The following LRRC34 variants were observed in gnomAD, a reference collection of about 807,000 sequenced individuals.
The protein encoded by LRRC34 is leucine rich repeat containing 34, also known as leucine-rich repeat-containing protein 34.
LRRC34 carries 44 observed loss-of-function variants against 48.5 expected under a neutral mutation model. That is an observed-to-expected ratio of 0.91 (90% CI 0.71 to 1.17). The LOEUF is 1.17. Ranked by LOEUF, LRRC34 falls within the 50% of genes most tolerant of loss-of-function variation. LRRC34 has a pLI of 0.00. For missense variants in LRRC34, 502 were observed against 563.0 expected, an observed-to-expected ratio of 0.89 and a Z score of 1.10; for synonymous variants, 192 against 197.6, an observed-to-expected ratio of 0.97 and a Z score of 0.24.
intron 9 of LRRC34, chr3:169,795,899 T>G: frequency 8.6e-7 from 1 of 1,162,366 alleles, no homozygotes; most frequent in South Asian, 3.3e-5. Context: ...TATTTTATTC[T>G]TTAGTTCATT....
chr3:169,807,128 T>C (rs914731514), intron 4 of LRRC34, among the ~76,000 whole-genome samples, 197 bp from the exon 5 acceptor site: 1 of 152,224 alleles, frequency 6.6e-6, no homozygotes, highest in African/African-American at 2.4e-5. Context: ...TCTCATGTAA[T>C]CAAAATATAA....
Position 169,812,396 on chromosome 3 carries a change from TC to T in LRRC34, c.139+13del. 1 of 1,524,682 alleles carries T rather than the reference TC, an allele frequency of 6.6e-7. No homozygotes were observed. The highest frequency in any genetic ancestry group is 8.7e-7 in the Non-Finnish European group (1 of 1,142,886). The allele number at this position is 1,524,682 out of a possible 1,614,324, so 94.4% of individuals were successfully genotyped here. ...TCTGGGCCAGGCCGCGCAGACGTGCTCCCTACTTCTTACCGCGCTGGACCGC... is the reference window on the plus strand; with the variant it reads ...TCTGGGCCAGGCCGCGCAGACGTGCTCCTACTTCTTACCGCGCTGGACCGC... On this transcript the variant is annotated intron_variant, in intron 1 of 10. Coordinates refer to ENST00000446859, the MANE Select transcript of LRRC34 (RefSeq NM_001172779.2). The surrounding 1 kb of genome is among the most constrained non-coding windows in gnomAD (Gnocchi z 4.3).
chr3:169,808,711 A>G lies in LRRC34; in HGVS notation c.174T>C (p.Ser58=). The G allele has an allele frequency of 1.3e-6, 2 of 1,594,320 alleles. No individual in the cohort carries two copies. The highest frequency in any genetic ancestry group is 1.3e-5 in the African/African-American group (1 of 74,450). ...TCTGGGATTTTTCCATACACAGATTAGAATAATGTTTCTGGAGACCAGATT... is the reference window on the plus strand; with the variant it reads ...TCTGGGATTTTTCCATACACAGATTGGAATAATGTTTCTGGAGACCAGATT... ...SPESGLQKHY[S]NLCMEKSQKI... is the part of the protein sequence containing the mutation. Residue 58 remains serine (S), a synonymous_variant, in exon 2 of 11, where the codon TCT becomes TCC. Coordinates refer to ENST00000446859, the MANE Select transcript of LRRC34 (RefSeq NM_001172779.2).
Position 169,812,330 on chromosome 3 carries a change from G to T in LRRC34, c.139+80C>A. The T allele has an allele frequency of 6.9e-7, 1 of 1,439,944 alleles. No homozygotes were observed. The highest frequency in any genetic ancestry group is 9.1e-7 in the Non-Finnish European group (1 of 1,099,896). 89.2% of individuals were successfully genotyped at this position (1,439,944 alleles called of 1,614,324 possible). ...GCCTTGGGCTGGCGGGCTGCTGGGAGGACTCCTGCCGTGCGACCCCGGCGC... is the reference window on the plus strand; with the variant it reads ...GCCTTGGGCTGGCGGGCTGCTGGGATGACTCCTGCCGTGCGACCCCGGCGC... On this transcript the variant is annotated intron_variant, in intron 1 of 10. Transcript: ENST00000446859. The surrounding 1 kb of genome is among the most constrained non-coding windows in gnomAD (Gnocchi z 4.3).
chr3:169,800,475 T>TA (rs767716708), intron 7 of LRRC34, among the ~76,000 whole-genome samples, 184 bp downstream of exon 7: 3 of 152,246 alleles, frequency 2.0e-5, no homozygotes, highest in Non-Finnish European at 4.4e-5. Flanking sequence ...CATATTTAGT[T>TA]ATAAACGTCT....
rs1189076891 is a variant in LRRC34 at position 169,812,166 on chromosome 3, C to CG, written c.139+243dup. ...ACCTATCGCGCAAAGGGCGGACCCA[C>CG]GGGAACTCCTCTCCGTGGACTCCTC... is the stretch of plus-strand genomic sequence containing the variant. On this transcript the variant is annotated intron_variant, in intron 1 of 10. Coordinates refer to ENST00000446859, the MANE Select transcript of LRRC34 (RefSeq NM_001172779.2). This position sits in a 1 kb window ranked among gnomAD's most constrained non-coding sequence, Gnocchi z 4.3. Among the ~76,000 whole-genome samples the CG allele has an allele frequency of 3.4e-3, 510 of 151,602 alleles. 6 individuals are homozygous for CG. The highest frequency in any genetic ancestry group is 0.012 in the African/African-American group (488 of 41,350).
At chr3:169,798,026 T>TA (rs1452176360) in intron 7 of LRRC34, among the ~76,000 whole-genome samples, 7 of 152,216 alleles carry the variant, frequency 4.6e-5, no homozygotes, top group Admixed American at 6.5e-5. Context: ...ACTGAAAAGA[T>TA]ACACCCAAAG....
In LRRC34 at chr3:169,812,457, G is replaced by A; in HGVS notation, c.92C>T (p.Ala31Val). Residue 31 changes from alanine (A) to valine (V), a missense_variant, in exon 1 of 11, where the codon GCC becomes GTC. Coordinates refer to ENST00000446859, the MANE Select transcript of LRRC34 (RefSeq NM_001172779.2). The surrounding 1 kb of genome is among the most constrained non-coding windows in gnomAD (Gnocchi z 4.3). Reference protein sequence around the residue: ...ARAPARSPAWASTQASTPGAA... With the variant: ...ARAPARSPAWVSTQASTPGAA... ...GCCCGGAGTACTGGCCTGAGTGGAG[G>A]CCCAAGCCGGGGACCTGGCCGGCGC... 6.5e-7 allele frequency: 1 copy of A among 1,531,178 alleles called. No homozygotes were observed. 94.8% of individuals were successfully genotyped at this position (1,531,178 alleles called of 1,614,324 possible).
intron 7 of LRRC34, 173 bp from the exon 8 acceptor site, chr3:169,797,072 A>G: frequency 2.3e-6 from 1 of 428,554 alleles, no homozygotes; most frequent in Non-Finnish European, 3.9e-6. Flanking sequence ...TTTGCCACAA[A>G]TGATATTTTT....
chr3:169,811,260 A>G (rs1779558037), intron 1 of LRRC34, among the ~76,000 whole-genome samples: 1 of 152,214 alleles, frequency 6.6e-6, no homozygotes, highest in African/African-American at 2.4e-5. Flanking sequence ...CCGAGGGCAC[A>G]GAAATGTGTC....
At position 169,812,642 on chromosome 3, in the gene LRRC34, T is replaced by C; in HGVS notation, c.-94A>G. ...TGCTTCGAGTCCCGCTGGCTGTGCCTGCCCGGGCCCTGAGGCCTCACTGCT... is the reference window on the plus strand; with the variant it reads ...TGCTTCGAGTCCCGCTGGCTGTGCCCGCCCGGGCCCTGAGGCCTCACTGCT... On this transcript the variant is annotated 5_prime_UTR_variant, in exon 1 of 11. Coordinates refer to ENST00000446859, the MANE Select transcript of LRRC34 (RefSeq NM_001172779.2). This position sits in a 1 kb window ranked among gnomAD's most constrained non-coding sequence, Gnocchi z 4.3. 7.2e-7 allele frequency: 1 copy of C among 1,394,988 alleles called. No individual in the cohort carries two copies. The highest frequency in any genetic ancestry group is 1.6e-5 in the South Asian group (1 of 63,722). The allele number at this position is 1,394,988 out of a possible 1,614,324, so 86.4% of individuals were successfully genotyped here. A position where few individuals can be genotyped will look rare whatever the true frequency, so the allele number is the denominator to read the frequency against.
In LRRC34 at chr3:169,800,752, T is replaced by C. The variant is rs766508780; in HGVS notation, c.660A>G (p.Gly220=). 1.1e-5 allele frequency: 17 copies of C among 1,531,716 alleles called. No homozygotes were observed. The South Asian group carries it at 2.0e-4, about 18-fold the overall frequency. 94.9% of individuals were successfully genotyped at this position (1,531,716 alleles called of 1,614,324 possible). ...TAGCAAATGCTATCACACTTTGCAT[T>C]CCCTAAAAACAGGTAAATTCATTAA... is the stretch of plus-strand genomic sequence containing the variant. ...EKLDLGDCDL[G]MQSVIAFATV... The change falls in exon 7 of 11, where the codon GGA becomes GGG. Residue 220 remains glycine (G), a splice_region_variant and synonymous_variant. Coordinates refer to ENST00000446859, the MANE Select transcript of LRRC34 (RefSeq NM_001172779.2).
In LRRC34 at chr3:169,808,610, A is replaced by C; in HGVS notation, c.257+18T>G. On this transcript the variant is annotated intron_variant, in intron 2 of 10. Transcript: ENST00000446859. ...TAAGCAAACACTATTAATGTAATCAAGTATTTGTCTTTCTTACCCCTTTTT... is the reference window on the plus strand; with the variant it reads ...TAAGCAAACACTATTAATGTAATCACGTATTTGTCTTTCTTACCCCTTTTT... 8.2e-7 allele frequency: 1 copy of C among 1,217,332 alleles called. No homozygotes were observed. The highest frequency in any genetic ancestry group is 1.2e-6 in the Non-Finnish European group (1 of 837,668). 75.4% of individuals were successfully genotyped at this position (1,217,332 alleles called of 1,614,324 possible).
intron 7 of LRRC34, among the ~76,000 whole-genome samples, chr3:169,798,391 G>A (rs1361737165): frequency 1.3e-5 from 2 of 152,332 alleles, no homozygotes; most frequent in South Asian, 2.1e-4. Context: ...CATTAAAGGT[G>A]AAGTCCAACA....
Position 169,796,363 on chromosome 3 carries a change from T to G in LRRC34, c.915A>C (p.Lys305Asn). ...SLRYLDVSCN[K>N]ITHDGMVYLA... ...AATACACCATTCCATCATGAGTTAT[T>G]TTGTTGCTGGCAAAGGAAAAATAGT... Residue 305 changes from lysine to asparagine, a missense_variant, in exon 9 of 11, where the codon AAA becomes AAC. Lys to Asn is a moderately conservative substitution (Grantham distance 94). Coordinates refer to ENST00000446859, the MANE Select transcript of LRRC34 (RefSeq NM_001172779.2). The G allele has an allele frequency of 1.6e-5, 25 of 1,601,040 alleles. No individual in the cohort carries two copies. Among genetic ancestry groups the G allele is most frequent in the Non-Finnish European group, 2.0e-5 (24 of 1,176,858 alleles).
At chr3:169,794,046 C>T (rs1038830016) in intron 10 of LRRC34, 23 of 441,796 alleles carry the variant, frequency 5.2e-5, no homozygotes, top group South Asian at 1.6e-4. Context: ...TATAATATTG[C>T]AAAACTTATT....
chr3:169,797,302 A>T (rs1779029651), intron 7 of LRRC34, among the ~76,000 whole-genome samples: 1 of 152,080 alleles, frequency 6.6e-6, no homozygotes, highest in African/African-American at 2.4e-5. Flanking sequence ...TTTGCTCTTG[A>T]TCTCTACTCT....
chr3:169,808,524 C>A, intron 2 of LRRC34, 104 bp downstream of exon 2: 1 of 660,192 alleles, frequency 1.5e-6, no homozygotes, highest in Non-Finnish European at 2.6e-6. Context: ...TTCATTTTAC[C>A]AAGCATTTTC....
intron 3 of LRRC34, 22 bp from the exon 4 acceptor site, chr3:169,807,512 G>T: frequency 6.2e-7 from 1 of 1,612,068 alleles, no homozygotes; most frequent in South Asian, 1.1e-5. Context: ...ATGAATAGAA[G>T]TGGATATTCA....
Sources: allele counts gnomAD v4.1 joint callset (sites outside exome capture counted in the v4.1 genomes callset), GRCh38; gene constraint gnomAD v4.1.1; non-coding constraint Gnocchi (gnomAD v3.1); transcripts MANE v1.5; gene names NCBI Gene and HGNC (gene_info 2026-07-23, HGNC 2026-07-21).